The following BCKDK variants were observed in gnomAD, a reference collection of about 807,000 sequenced individuals.
BCKDK encodes the protein branched chain keto acid dehydrogenase kinase.
Under a neutral mutation model 43.9 loss-of-function variants are expected in BCKDK, and 28 were observed. That is an observed-to-expected ratio of 0.64 (90% CI 0.47 to 0.87). The LOEUF (loss-of-function observed/expected upper bound fraction) is 0.87, where lower values mean the gene tolerates loss of function less well. Among genes scored for constraint, BCKDK ranks in the 40% least tolerant of loss-of-function variants. The pLI is 0.00. For synonymous variants in BCKDK, 257 were observed against 234.3 expected (o/e 1.10, Z -0.88); for missense variants, 483 against 581.4 (o/e 0.83, Z 1.74).
downstream of BCKDK, among the ~76,000 whole-genome samples, chr16:31,114,431 T>G (rs1176145043): frequency 6.6e-6 from 1 of 151,910 alleles, no homozygotes; most frequent in Non-Finnish European, 1.5e-5. Flanking sequence ...CAGGCTGGTC[T>G]CGAACTCCCA....
Position 31,111,097 on chromosome 16 carries a change from G to C in BCKDK, c.723G>C (p.Leu241=). The change falls in exon 9 of 12, where the codon CTG becomes CTC. Residue 241 remains leucine, a synonymous_variant. Transcript: ENST00000219794. ...IEKWVDFARR[L]CEHKYGNAPR... ...CCCTCGCTCCTATCCGCAGACGCCT[G>C]TGTGAGCACAAGTATGGCAATGCGC... 1 of 1,614,116 alleles carries C rather than the reference G, an allele frequency of 6.2e-7. No individual in the cohort carries two copies. Among genetic ancestry groups the C allele is most frequent in the Non-Finnish European group, 8.5e-7 (1 of 1,180,010 alleles).
downstream of BCKDK, among the ~76,000 whole-genome samples, chr16:31,114,940 T>C (rs2057438029): frequency 6.6e-6 from 1 of 152,166 alleles, no homozygotes; most frequent in South Asian, 2.1e-4. Flanking sequence ...CTTTTTCTTT[T>C]TTGAGATGGA....
At position 31,109,426 on chromosome 16, in the gene BCKDK, A is replaced by G. The variant is rs758689348; in HGVS notation, c.195+8A>G. ...GACGCGGCAGCGGAGAAGGTGCGCAAGGGGGCAGCCAGCCCAGGGTCCGGG... is the reference window on the plus strand; with the variant it reads ...GACGCGGCAGCGGAGAAGGTGCGCAGGGGGGCAGCCAGCCCAGGGTCCGGG... On this transcript the variant is annotated splice_region_variant and intron_variant, in intron 2 of 11. Transcript: ENST00000219794. The surrounding 1 kb of genome is among the most constrained non-coding windows in gnomAD (Gnocchi z 5.3). The G allele has an allele frequency of 7.4e-6, 12 of 1,611,540 alleles. No individual in the cohort carries two copies. The highest frequency in any genetic ancestry group is 1.7e-5 in the Admixed American group (1 of 59,886).
Position 31,110,147 on chromosome 16 carries a change from G to T in BCKDK, c.423+23G>T, listed in dbSNP as rs529359630. On this transcript the variant is annotated intron_variant, in intron 5 of 11. Transcript: ENST00000219794. This position sits in a 1 kb window ranked among gnomAD's most constrained non-coding sequence, Gnocchi z 5.4. ...CCGGTGAGTGCTGGGCCAGAGCAGG[G>T]TGAGGGGCTGAGAGGTTGGGCTTGG... The T allele has an allele frequency of 1.2e-6, 2 of 1,614,212 alleles. No homozygotes were observed. The highest frequency in any genetic ancestry group is 2.7e-5 in the African/African-American group (2 of 75,054).
downstream of BCKDK, among the ~76,000 whole-genome samples, chr16:31,115,539 C>CT (rs543750810): frequency 4.0e-5 from 6 of 150,656 alleles, no homozygotes; most frequent in Non-Finnish European, 7.4e-5. Flanking sequence ...TCTTTCCCCC[C>CT]TTTTTTTTTG....
Position 31,109,247 on chromosome 16 carries a change from G to A in BCKDK, c.24G>A (p.Arg8=), listed in dbSNP as rs2057388210. The A allele has an allele frequency of 6.5e-7, 1 of 1,534,356 alleles. No individual in the cohort carries two copies. The highest frequency in any genetic ancestry group is 2.1e-5 in the Admixed American group (1 of 48,074). Residue 8 remains arginine (R), a synonymous_variant, in exon 2 of 12, where the codon AGG becomes AGA. Transcript: ENST00000219794. The surrounding 1 kb of genome is among the most constrained non-coding windows in gnomAD (Gnocchi z 5.3). The part of the protein sequence containing the change: MILASVL[R]SGPGGGLPLR... ...CGATGATCCTGGCGTCGGTGCTGAGGAGCGGTCCCGGGGGCGGGCTTCCGC... is the reference window on the plus strand; with the variant it reads ...CGATGATCCTGGCGTCGGTGCTGAGAAGCGGTCCCGGGGGCGGGCTTCCGC...
downstream of BCKDK, among the ~76,000 whole-genome samples, chr16:31,116,069 G>A (rs907532559): frequency 4.0e-5 from 6 of 149,212 alleles, no homozygotes; most frequent in East Asian, 7.9e-4. Flanking sequence ...CCGCCACCAC[G>A]CCCGGCTAAT....
chr16:31,110,469 C>T lies in BCKDK; in HGVS notation c.612C>T (p.Ala204=). ...LTSRLGIRML[A]THHLALHEDK... ...CGAGGCTTGGAATCCGCATGTTGGCCACGCATCACCTGGCGCTGCATGAGG... is the reference window on the plus strand; with the variant it reads ...CGAGGCTTGGAATCCGCATGTTGGCTACGCATCACCTGGCGCTGCATGAGG... Residue 204 remains alanine (A), a synonymous_variant, in exon 7 of 12, where the codon GCC becomes GCT. Transcript: ENST00000219794. This position sits in a 1 kb window ranked among gnomAD's most constrained non-coding sequence, Gnocchi z 5.4. 6.2e-7 allele frequency: 1 copy of T among 1,613,854 alleles called. No individual in the cohort carries two copies. Among genetic ancestry groups the T allele is most frequent in the Non-Finnish European group, 8.5e-7 (1 of 1,180,028 alleles).
Position 31,109,133 on chromosome 16 carries a change from A to T in BCKDK, c.-91A>T. ...GTCGGAGAAGAGCCCCTACCCACCC[A>T]CACCCCCTTGCCCCATTTTGGGTCG... On this transcript the variant is annotated 5_prime_UTR_variant, in exon 2 of 12. Transcript: ENST00000219794. This position sits in a 1 kb window ranked among gnomAD's most constrained non-coding sequence, Gnocchi z 5.3. The T allele has an allele frequency of 9.9e-7, 1 of 1,009,934 alleles. No homozygotes were observed. Among genetic ancestry groups the T allele is most frequent in the Non-Finnish European group, 1.3e-6 (1 of 743,224 alleles). 62.6% of individuals were successfully genotyped at this position (1,009,934 alleles called of 1,614,324 possible).
In BCKDK at chr16:31,110,863, C is replaced by T. The variant is rs2057406059; in HGVS notation, c.716+102C>T. ...ATGATCTGCGGGGAGCAGGGTTTCT[C>T]AACCATGGCACTATTGACATTTCCA... On this transcript the variant is annotated intron_variant, in intron 8 of 11. Transcript: ENST00000219794. This position sits in a 1 kb window ranked among gnomAD's most constrained non-coding sequence, Gnocchi z 5.4. 6 of 1,441,664 alleles carry T rather than the reference C, an allele frequency of 4.2e-6. No individual in the cohort carries two copies. Among genetic ancestry groups the T allele is most frequent in the Non-Finnish European group, 5.8e-6 (6 of 1,031,652 alleles). The allele number at this position is 1,441,664 out of a possible 1,614,324, so 89.3% of individuals were successfully genotyped here. A position where few individuals can be genotyped will look rare whatever the true frequency, so the allele number is the denominator to read the frequency against.
Position 31,109,420 on chromosome 16 carries a change from T to C in BCKDK, c.195+2T>C. Reference sequence around the variant, plus strand: ...GCCATCGACGCGGCAGCGGAGAAGGTGCGCAAGGGGGCAGCCAGCCCAGGG... The same window carrying C: ...GCCATCGACGCGGCAGCGGAGAAGGCGCGCAAGGGGGCAGCCAGCCCAGGG... On this transcript the variant is annotated splice_donor_variant, in intron 2 of 11. Coordinates refer to ENST00000219794, the MANE Select transcript of BCKDK (RefSeq NM_005881.4). LOFTEE classifies it high-confidence loss of function. This position sits in a 1 kb window ranked among gnomAD's most constrained non-coding sequence, Gnocchi z 5.3. 6.2e-7 allele frequency: 1 copy of C among 1,610,232 alleles called. No individual in the cohort carries two copies. Among genetic ancestry groups the C allele is most frequent in the African/African-American group, 1.3e-5 (1 of 74,814 alleles).
At position 31,111,891 on chromosome 16, in the gene BCKDK, A is replaced by C; in HGVS notation, c.958A>C (p.Ile320Leu). 6.2e-7 allele frequency: 1 copy of C among 1,614,158 alleles called. No homozygotes were observed. The highest frequency in any genetic ancestry group is 1.1e-5 in the South Asian group (1 of 91,088). The change falls in exon 11 of 12, where the codon ATC (isoleucine) becomes CTC (leucine). Residue 320 changes from isoleucine (I) to leucine (L), a missense_variant. Physicochemically the swap from Ile to Leu is conservative, Grantham distance 5 (BLOSUM62 2). Coordinates refer to ENST00000219794, the MANE Select transcript of BCKDK (RefSeq NM_005881.4). ...IIRISDRGGG[I>L]AHKDLDRVMD... ...TAGGATCTCAGACCGTGGTGGAGGA[A>C]TCGCTCACAAAGATCTGGACCGGGT...
downstream of BCKDK, among the ~76,000 whole-genome samples, chr16:31,113,065 G>C (rs992674216): frequency 6.6e-6 from 1 of 152,242 alleles, no homozygotes; most frequent in South Asian, 2.1e-4. Flanking sequence ...CTGATAGAAA[G>C]GACCAAGGAT....
intron 10 of BCKDK, 76 bp downstream of exon 10, chr16:31,111,465 C>A: frequency 2.0e-6 from 3 of 1,485,590 alleles, no homozygotes; most frequent in Non-Finnish European, 2.8e-6. Flanking sequence ...GATTTAGGAC[C>A]TTGAGCCCCT....
In BCKDK at chr16:31,109,304, C is replaced by T. The variant is rs2057389178; in HGVS notation, c.81C>T (p.Leu27=). ...LRPLLGPALA[L]RARSTSATDT... is the part of the protein sequence containing the mutation. Reference sequence around the variant, plus strand: ...CCCTCCTGGGACCCGCACTCGCGCTCCGGGCCCGCTCGACGTCGGCCACCG... The same window carrying T: ...CCCTCCTGGGACCCGCACTCGCGCTTCGGGCCCGCTCGACGTCGGCCACCG... Residue 27 remains leucine, a synonymous_variant, in exon 2 of 12, where the codon CTC becomes CTT. Coordinates refer to ENST00000219794, the MANE Select transcript of BCKDK (RefSeq NM_005881.4). This position sits in a 1 kb window ranked among gnomAD's most constrained non-coding sequence, Gnocchi z 5.3. 1.2e-6 allele frequency: 2 copies of T among 1,607,292 alleles called. No individual in the cohort carries two copies. The highest frequency in any genetic ancestry group is 1.7e-6 in the Non-Finnish European group (2 of 1,177,014).
At chr16:31,114,521 G>A (rs2057436043), downstream of BCKDK, among the ~76,000 whole-genome samples, 1 of 151,962 alleles carries the variant, frequency 6.6e-6, no homozygotes, top group Admixed American at 6.6e-5. Context: ...GATGTTTCTT[G>A]ATTTGTAACC....
Position 31,112,584 on chromosome 16 carries a change from T to C in BCKDK, c.*319T>C. On this transcript the variant is annotated 3_prime_UTR_variant, in exon 12 of 12. Transcript: ENST00000219794. The surrounding 1 kb of genome is among the most constrained non-coding windows in gnomAD (Gnocchi z 5.0). ...TGAATGCCCTCTCGGGCCCCGTGTG[T>C]GGGGAGGGCAGGTGAACTTTTGTTT... The C allele has an allele frequency of 2.2e-6, 1 of 459,218 alleles. No individual in the cohort carries two copies. The highest frequency in any genetic ancestry group is 3.4e-5 in the Admixed American group (1 of 29,030). 28.4% of individuals were successfully genotyped at this position (459,218 alleles called of 1,614,324 possible).
chr16:31,109,938 C>G lies in BCKDK; in HGVS notation c.376-139C>G, dbSNP rs942452459. ...TTCAGAAGCCAAAGGTGTGTATTCA[C>G]GGAGCCTGGAAGGGTCGAAGTGGGG... is the stretch of plus-strand genomic sequence containing the variant. On this transcript the variant is annotated intron_variant, in intron 4 of 11. Coordinates refer to ENST00000219794, the MANE Select transcript of BCKDK (RefSeq NM_005881.4). This position sits in a 1 kb window ranked among gnomAD's most constrained non-coding sequence, Gnocchi z 5.3. 1.3e-5 allele frequency: 18 copies of G among 1,397,660 alleles called. No homozygotes were observed. The highest frequency in any genetic ancestry group is 1.6e-5 in the Non-Finnish European group (16 of 992,678). 86.6% of individuals were successfully genotyped at this position (1,397,660 alleles called of 1,614,324 possible). A position where few individuals can be genotyped will look rare whatever the true frequency, so the allele number is the denominator to read the frequency against.
At chr16:31,111,689 A>G (rs560140520) in intron 10 of BCKDK, among the ~76,000 whole-genome samples, 180 bp from the exon 11 acceptor site, 4 of 152,088 alleles carry the variant, frequency 2.6e-5, no homozygotes, top group Non-Finnish European at 5.9e-5. Flanking sequence ...GAGAAGGTAT[A>G]AGCAGTCAGT....
Sources: gnomAD v4.1 joint callset for allele counts (sites outside exome capture counted in the v4.1 genomes callset) on GRCh38, gnomAD v4.1.1 for gene constraint, Gnocchi (gnomAD v3.1) non-coding constraint, MANE v1.5 for transcripts, NCBI Gene and HGNC (gene_info 2026-07-23, HGNC 2026-07-21) for gene names.